The following INSYN2A variants were observed in gnomAD, a reference collection of about 807,000 sequenced individuals.
INSYN2A encodes the protein inhibitory synaptic factor 2A.
A neutral mutation model predicts 39.4 loss-of-function variants in INSYN2A; 17 were observed. That is an observed-to-expected ratio of 0.43 (90% CI 0.30 to 0.65). The LOEUF is 0.65. INSYN2A is among the 30% of genes least tolerant of loss of function. The pLI, the probability that INSYN2A is intolerant of heterozygous loss-of-function variation, is 0.14. For synonymous variants in INSYN2A, 255 were observed against 265.7 expected (o/e 0.96, Z 0.39); for missense variants, 595 against 631.2 (o/e 0.94, Z 0.61).
At chr10:127,153,453 C>T (rs1455367572) in intron 5 of INSYN2A, among the ~76,000 whole-genome samples, 2 of 152,178 alleles carry the variant, frequency 1.3e-5, no homozygotes, top group East Asian at 3.9e-4. Flanking sequence ...TTGGTGTGAG[C>T]AGCCCAGGTC....
At chr10:127,148,018 G>A (rs2052074457) in intron 5 of INSYN2A, among the ~76,000 whole-genome samples, 1 of 112,036 alleles carries the variant, frequency 8.9e-6, no homozygotes, top group Non-Finnish European at 1.7e-5. Flanking sequence ...GCAACAGAGT[G>A]AGACTCTGTC....
At chr10:127,182,787 C>T (rs2055857786) in intron 2 of INSYN2A, among the ~76,000 whole-genome samples, 1 of 152,050 alleles carries the variant, frequency 6.6e-6, no homozygotes, top group African/African-American at 2.4e-5. Flanking sequence ...TGTTTCCCAT[C>T]ATCATGACAG....
rs1474748508 is a variant in INSYN2A, at chr10:127,135,467, T to A, written c.*2370A>T. On this transcript the variant is annotated 3_prime_UTR_variant, in exon 6 of 6. Coordinates refer to ENST00000522781, the MANE Select transcript of INSYN2A (RefSeq NM_001039762.3). ...TTTTATTTAAAAATTAATAAAGAAC[T>A]TAACGACAAGTATAATAATTTAATC... 9 of 152,690 alleles carry A rather than the reference T, an allele frequency of 5.9e-5. No individual in the cohort carries two copies. The highest frequency in any genetic ancestry group is 1.3e-4 in the Non-Finnish European group (9 of 68,050). The allele number at this position is 152,690 out of a possible 1,614,324, so 9.5% of individuals were successfully genotyped here.
intron 4 of INSYN2A, among the ~76,000 whole-genome samples, chr10:127,165,193 T>G (rs971001163): frequency 6.6e-6 from 1 of 152,244 alleles, no homozygotes; most frequent in African/African-American, 2.4e-5. Context: ...TGATGGTAAA[T>G]ATCCACAGAG....
At chr10:127,143,246 C>T (rs542204038) in intron 5 of INSYN2A, among the ~76,000 whole-genome samples, 3 of 152,108 alleles carry the variant, frequency 2.0e-5, no homozygotes, top group Admixed American at 6.5e-5. Context: ...TCTGGTGCCC[C>T]GGAGCTTGCT....
At chr10:127,148,356 C>T (rs937234250) in intron 5 of INSYN2A, among the ~76,000 whole-genome samples, 5 of 152,132 alleles carry the variant, frequency 3.3e-5, no homozygotes, top group East Asian at 1.9e-4. Context: ...TACCACTTGA[C>T]GAGAAGATTC....
chr10:127,168,995 T>G (rs1441850539), intron 4 of INSYN2A, among the ~76,000 whole-genome samples: 1 of 152,198 alleles, frequency 6.6e-6, no homozygotes, highest in African/African-American at 2.4e-5. Context: ...GAGTGATTTG[T>G]CAATATGAGG....
chr10:127,143,697 C>G (rs2051502009), intron 5 of INSYN2A, among the ~76,000 whole-genome samples: 1 of 152,162 alleles, frequency 6.6e-6, no homozygotes, highest in African/African-American at 2.4e-5. Context: ...CCAGAGGAAA[C>G]TAAAAGTTGG....
intron 4 of INSYN2A, among the ~76,000 whole-genome samples, chr10:127,173,678 T>C (rs766312425): frequency 6.6e-6 from 1 of 152,174 alleles, no homozygotes; most frequent in Non-Finnish European, 1.5e-5. Context: ...ACTGGGTCAA[T>C]GTTTGACCTT....
rs1170246034 is a variant in INSYN2A, at chr10:127,186,504, ACCGCCCCCCCGC to A, written c.-269+6089_-269+6100del. 3.8e-3 allele frequency among the ~76,000 whole-genome samples: 34 copies of A among 9,024 alleles called. 11 individuals carry two copies. The South Asian group carries it at 0.15, about 41-fold the overall frequency. The allele number at this position is 9,024 out of a possible 152,430, so 5.9% of individuals were successfully genotyped here. A position where few individuals can be genotyped will look rare whatever the true frequency, so the allele number is the denominator to read the frequency against. On this transcript the variant is annotated intron_variant, in intron 2 of 5. Transcript: ENST00000522781. ...CAATCATGATAACAGCATGGGAGAA[ACCGCCCCCCCGC>A]CCCCCCCCGATCCAGTTACCTCCAC...
At chr10:127,156,749 G>T (rs547905940) in intron 4 of INSYN2A, among the ~76,000 whole-genome samples, 1 of 151,704 alleles carries the variant, frequency 6.6e-6, no homozygotes, top group African/African-American at 2.4e-5. Context: ...TGTATTTTTA[G>T]TAGAGACGGG....
intron 4 of INSYN2A, among the ~76,000 whole-genome samples, chr10:127,163,784 C>A (rs939940971): frequency 4.0e-5 from 6 of 149,816 alleles, no homozygotes; most frequent in Non-Finnish European, 7.4e-5. Flanking sequence ...ACTTCCGTGT[C>A]TGGATAAAGC....
intron 4 of INSYN2A, among the ~76,000 whole-genome samples, chr10:127,171,242 T>A (rs2133833448): frequency 6.6e-6 from 1 of 152,332 alleles, no homozygotes; most frequent in Admixed American, 6.5e-5. Flanking sequence ...ATTTGGAAGC[T>A]ACTGAGAGCG....
chr10:127,176,257 C>T lies in INSYN2A; in HGVS notation c.139G>A (p.Val47Met), dbSNP rs368666491. 2.5e-6 allele frequency: 4 copies of T among 1,614,016 alleles called. No homozygotes were observed. Among genetic ancestry groups the T allele is most frequent in the Non-Finnish European group, 3.4e-6 (4 of 1,180,032 alleles). ...QIKKRNKALQ[V>M]RFKDICEAQN... ...GCCTCGCAGATATCCTTAAACCGCA[C>T]CTGCAGGGCTTTGTTCCGTTTTTTA... Residue 47 changes from valine to methionine, a missense_variant, in exon 4 of 6, where the codon GTG becomes ATG. Around this residue, in one of 2 missense-constraint regions of INSYN2A, gnomAD observed 478 missense variants for 467.4 expected, o/e 1.02. Transcript: ENST00000522781. The surrounding 1 kb of genome is among the most constrained non-coding windows in gnomAD (Gnocchi z 4.4).
chr10:127,164,090 G>A (rs961811807), intron 4 of INSYN2A, among the ~76,000 whole-genome samples: 9 of 150,004 alleles, frequency 6.0e-5, no homozygotes, highest in African/African-American at 2.2e-4. Context: ...CCCAGGGGAC[G>A]CAGGGGTCAG....
rs1426552798 is a variant in INSYN2A, at chr10:127,137,659, A to C, written c.*178T>G. On this transcript the variant is annotated 3_prime_UTR_variant, in exon 6 of 6. Coordinates refer to ENST00000522781, the MANE Select transcript of INSYN2A (RefSeq NM_001039762.3). ...AACAGCTGGCAAGGAGTGACACAGA[A>C]TACCTTGCTTCTGTTAATTATCTAT... 3.8e-6 allele frequency: 2 copies of C among 524,858 alleles called. No homozygotes were observed. Among genetic ancestry groups the C allele is most frequent in the East Asian group, 5.8e-5 (2 of 34,576 alleles). The allele number at this position is 524,858 out of a possible 1,614,324, so 32.5% of individuals were successfully genotyped here.
rs1196189442 is a variant in INSYN2A at position 127,175,915 on chromosome 10, G to A, written c.481C>T (p.Pro161Ser). 6.2e-7 allele frequency: 1 copy of A among 1,614,080 alleles called. No homozygotes were observed. The highest frequency in any genetic ancestry group is 1.3e-5 in the African/African-American group (1 of 74,928). The change falls in exon 4 of 6, where the codon CCA (proline) becomes TCA (serine). Residue 161 changes from proline (P) to serine (S), a missense_variant. Pro to Ser is a moderately conservative substitution (Grantham distance 74, BLOSUM62 -1). This residue lies in a region of INSYN2A where 478 missense variants were observed against 467.4 expected (regional missense o/e 1.02). Coordinates refer to ENST00000522781, the MANE Select transcript of INSYN2A (RefSeq NM_001039762.3). The surrounding 1 kb of genome is among the most constrained non-coding windows in gnomAD (Gnocchi z 6.3). ...TTGTGCACCCGCCCCGCGCCACATG[G>A]CCGGGCCTCCTCCATGGGTCCAGCC... ...NEAGPMEEARPCGAGRVHKTT... is the reference protein window; with the variant it reads ...NEAGPMEEARSCGAGRVHKTT...
At chr10:127,148,185 A>G (rs1446198948) in intron 5 of INSYN2A, among the ~76,000 whole-genome samples, 1 of 152,080 alleles carries the variant, frequency 6.6e-6, no homozygotes, top group African/African-American at 2.4e-5. Context: ...TGGCGTTCCC[A>G]TCCAGTCAGG....
chr10:127,175,789 T>C lies in INSYN2A; in HGVS notation c.607A>G (p.Ser203Gly). 1 of 1,614,130 alleles carries C rather than the reference T, an allele frequency of 6.2e-7. No individual in the cohort carries two copies. Among genetic ancestry groups the C allele is most frequent in the Middle Eastern group, 1.6e-4 (1 of 6,062 alleles). The change falls in exon 4 of 6, where the codon AGC (serine) becomes GGC (glycine). Residue 203 changes from serine to glycine, a missense_variant. Ser to Gly is a moderately conservative substitution (Grantham distance 56). This residue lies in a region of INSYN2A where 478 missense variants were observed against 467.4 expected (regional missense o/e 1.02). Coordinates refer to ENST00000522781, the MANE Select transcript of INSYN2A (RefSeq NM_001039762.3). This position sits in a 1 kb window ranked among gnomAD's most constrained non-coding sequence, Gnocchi z 6.3. ...TTTTGGAGCGCAGCTTCTCCATAGC[T>C]GAGCGGCTCCGGGCTTTTACAGGGC... is the stretch of plus-strand genomic sequence containing the variant. ...TEPCKSPEPLSYGEAALQNST... is the reference protein window; with the variant it reads ...TEPCKSPEPLGYGEAALQNST...
Sources: gnomAD v4.1 joint callset for allele counts (sites outside exome capture counted in the v4.1 genomes callset) on GRCh38, gnomAD v4.1.1 for gene constraint, gnomAD v4.1.1 regional missense constraint, Gnocchi (gnomAD v3.1) non-coding constraint, MANE v1.5 for transcripts, NCBI Gene and HGNC (gene_info 2026-07-23, HGNC 2026-07-21) for gene names.